P3H3: variants seen among roughly 807,000 people sequenced by gnomAD.
P3H3 encodes the protein prolyl 3-hydroxylase 3.
A neutral mutation model predicts 78.1 loss-of-function variants in P3H3; 64 were observed. The ratio of observed to expected loss-of-function variants is 0.82; its 90% confidence interval spans 0.67 to 1.01. The LOEUF (loss-of-function observed/expected upper bound fraction) is 1.01. P3H3 is among the 50% of genes least tolerant of loss of function. The pLI is 0.00. For synonymous variants in P3H3, 425 were observed against 416.7 expected (o/e 1.02, Z -0.24); for missense variants, 975 against 982.2 (o/e 0.99, Z 0.10).
Position 6,831,265 on chromosome 12 carries a change from C to G in P3H3, c.1035C>G (p.Phe345Leu), listed in dbSNP as rs1228489234. 1 of 1,613,774 alleles carries G rather than the reference C, an allele frequency of 6.2e-7. No homozygotes were observed. Among genetic ancestry groups the G allele is most frequent in the Non-Finnish European group, 8.5e-7 (1 of 1,179,848 alleles). The change falls in exon 5 of 15, where the codon TTC (phenylalanine) becomes TTG (leucine). Residue 345 changes from phenylalanine to leucine, a missense_variant. Coordinates refer to ENST00000290510, the MANE Select transcript of P3H3 (RefSeq NM_014262.5). The surrounding 1 kb of genome is among the most constrained non-coding windows in gnomAD (Gnocchi z 4.6). ...AIENVLSVLL[F>L]YPEDEAAKRA... ...AAAATGTCCTGAGTGTCCTGCTCTTCTACCCGGAGGATGAGGCTGCCAAGA... is the reference window on the plus strand; with the variant it reads ...AAAATGTCCTGAGTGTCCTGCTCTTGTACCCGGAGGATGAGGCTGCCAAGA...
At chr12:6,835,604 ATAAT>A (rs566922041) in intron 9 of P3H3, among the ~76,000 whole-genome samples, 98 of 152,042 alleles carry the variant, frequency 6.4e-4, no homozygotes, top group Non-Finnish European at 9.6e-4. Context: ...ATTTTTTTAA[ATAAT>A]TAATTAATTA....
rs1050118130 is a variant in P3H3 at position 6,834,022 on chromosome 12, G to A, written c.1431G>A (p.Glu477=). 1 of 1,613,746 alleles carries A rather than the reference G, an allele frequency of 6.2e-7. No homozygotes were observed. The highest frequency in any genetic ancestry group is 1.3e-5 in the African/African-American group (1 of 75,040). The part of the protein sequence containing the change: ...AVLDGLLTPA[E]CGVLLQLAKD... ...TGGATGGGCTGCTCACCCCAGCCGA[G>A]TGTGGGGTGCTGCTGCAGCTGGCTA... Residue 477 remains glutamate (E), a synonymous_variant, in exon 9 of 15, where the codon GAG becomes GAA. Transcript: ENST00000290510.
At chr12:6,833,274 G>A (rs1436930118) in intron 6 of P3H3, among the ~76,000 whole-genome samples, 1 of 152,154 alleles carries the variant, frequency 6.6e-6, no homozygotes, top group African/African-American at 2.4e-5. Flanking sequence ...TGTGTCTCAG[G>A]GCTCTCAATT....
Position 6,831,599 on chromosome 12 carries a change from A to G in P3H3, c.1123-226A>G, listed in dbSNP as rs1210722132. Among the ~76,000 whole-genome samples, 2 of 151,680 alleles carry G rather than the reference A, an allele frequency of 1.3e-5. No individual in the cohort carries two copies. The highest frequency in any genetic ancestry group is 4.8e-5 in the African/African-American group (2 of 41,310). ...CACTCCTGCCTGCCACCAGCCCCCA[A>G]ACTCATGCATACACACACCCACACA... is the stretch of plus-strand genomic sequence containing the variant. On this transcript the variant is annotated intron_variant, in intron 5 of 14. Coordinates refer to ENST00000290510, the MANE Select transcript of P3H3 (RefSeq NM_014262.5). The surrounding 1 kb of genome is among the most constrained non-coding windows in gnomAD (Gnocchi z 4.6).
chr12:6,839,113 C>T lies in P3H3; in HGVS notation c.2019C>T (p.His673=), dbSNP rs782618896. The change falls in exon 14 of 15, where the codon CAC becomes CAT. Residue 673 remains histidine (H), a synonymous_variant. Coordinates refer to ENST00000290510, the MANE Select transcript of P3H3 (RefSeq NM_014262.5). The part of the protein sequence containing the change: ...RGRRCALALW[H]TWAPEHREQE... ...GGCGCTGTGCCCTGGCACTGTGGCA[C>T]ACGTGGGCACCTGAGCACAGGGAGC... The T allele has an allele frequency of 2.5e-6, 4 of 1,606,834 alleles. No individual in the cohort carries two copies. The highest frequency in any genetic ancestry group is 3.4e-6 in the Non-Finnish European group (4 of 1,178,036).
intron 2 of P3H3, 121 bp from the exon 3 acceptor site, chr12:6,830,232 C>A: frequency 1.9e-6 from 2 of 1,080,170 alleles, no homozygotes; most frequent in Non-Finnish European, 2.7e-6. Context: ...CCTTATTCTT[C>A]TCCACGGTGA....
chr12:6,837,229 A>G, intron 10 of P3H3, 143 bp downstream of exon 10: 2 of 996,784 alleles, frequency 2.0e-6, no homozygotes, highest in Non-Finnish European at 2.9e-6. Flanking sequence ...CGTGGAGAAA[A>G]GGGATGTTCT....
intron 2 of P3H3, 47 bp downstream of exon 2, chr12:6,830,058 G>T: frequency 6.2e-7 from 1 of 1,609,096 alleles, no homozygotes; most frequent in Non-Finnish European, 8.5e-7. Context: ...CCTTTTCCTG[G>T]CTGGATACAC....
chr12:6,829,668 T>A lies in P3H3; in HGVS notation c.499-191T>A. On this transcript the variant is annotated intron_variant, in intron 1 of 14. Transcript: ENST00000290510. This position sits in a 1 kb window ranked among gnomAD's most constrained non-coding sequence, Gnocchi z 5.1. ...CCCCTTTCCCTCGGTGCCAGCCTTC[T>A]GAGAGTCCCAACGTTCTGGCCTCTA... The A allele has an allele frequency of 1.6e-6, 1 of 624,302 alleles. No homozygotes were observed. Among genetic ancestry groups the A allele is most frequent in the Non-Finnish European group, 2.8e-6 (1 of 355,886 alleles). The allele number at this position is 624,302 out of a possible 1,614,324, so 38.7% of individuals were successfully genotyped here. A position where few individuals can be genotyped will look rare whatever the true frequency, so the allele number is the denominator to read the frequency against.
chr12:6,830,801 G>GA, intron 4 of P3H3, 31 bp downstream of exon 4: 1 of 1,613,488 alleles, frequency 6.2e-7, no homozygotes, highest in Non-Finnish European at 8.5e-7. Flanking sequence ...AACGGGGAGT[G>GA]AAGATTTGCC....
chr12:6,837,678 G>A (rs1943513362), intron 11 of P3H3, 54 bp from the exon 12 acceptor site: 1 of 1,583,552 alleles, frequency 6.3e-7, no homozygotes, highest in Non-Finnish European at 8.6e-7. Flanking sequence ...AGCCCACAGG[G>A]TGGCAGATGG....
At position 6,828,549 on chromosome 12, in the gene P3H3, C is replaced by G; in HGVS notation, c.109C>G (p.Pro37Ala). Residue 37 changes from proline (P) to alanine (A), a missense_variant, in exon 1 of 15, where the codon CCC (proline) becomes GCC (alanine). Physicochemically the swap from Pro to Ala is conservative, Grantham distance 27. Coordinates refer to ENST00000290510, the MANE Select transcript of P3H3 (RefSeq NM_014262.5). ...QLSPGAPPQA[P>A]DLLYADGLRA... ...GTCCCCGGGGGCGCCCCCGCAGGCC[C>G]CCGACTTGCTCTACGCTGACGGGCT... The G allele has an allele frequency of 7.9e-7, 1 of 1,273,736 alleles. No individual in the cohort carries two copies. The highest frequency in any genetic ancestry group is 9.9e-7 in the Non-Finnish European group (1 of 1,010,146). 78.9% of individuals were successfully genotyped at this position (1,273,736 alleles called of 1,614,324 possible).
chr12:6,833,383 C>T, intron 6 of P3H3: 1 of 587,604 alleles, frequency 1.7e-6, no homozygotes, highest in Admixed American at 2.9e-5. Flanking sequence ...TAGCCCCTAG[C>T]AGATAGTAAG....
In P3H3 at chr12:6,837,737, C is replaced by T; in HGVS notation, c.1717C>T (p.Gln573Ter). The change falls in exon 12 of 15, where the codon CAA (glutamine) becomes TAA (stop). Residue 573 changes from glutamine to a stop codon, truncating the protein, a stop_gained. Coordinates refer to ENST00000290510, the MANE Select transcript of P3H3 (RefSeq NM_014262.5). LOFTEE classifies it high-confidence loss of function. ...CAGACCCCTTTGTGTCCTAGGAGAG[C>T]AAGAGCAGCGCATGGACCTGAGTCA... ...LVCRSAIEGE[Q>*]EQRMDLSHPV... 6.2e-7 allele frequency: 1 copy of T among 1,611,432 alleles called. No homozygotes were observed. The highest frequency in any genetic ancestry group is 1.1e-5 in the South Asian group (1 of 90,506).
At position 6,837,530 on chromosome 12, in the gene P3H3, G is replaced by A; in HGVS notation, c.1668G>A (p.Leu556=). 6.2e-7 allele frequency: 1 copy of A among 1,612,416 alleles called. No homozygotes were observed. Among genetic ancestry groups the A allele is most frequent in the East Asian group, 2.2e-5 (1 of 44,778 alleles). The change falls in exon 11 of 15, where the codon CTG becomes CTA. Residue 556 remains leucine, a synonymous_variant. Coordinates refer to ENST00000290510, the MANE Select transcript of P3H3 (RefSeq NM_014262.5). ...CCTACTTCTCCCCGGAACGGCCCCT[G>A]CATCTGTCCTTCACCCACCTGGTGT... The part of the protein sequence containing the change: ...TQAYFSPERP[L]HLSFTHLVCR...
Position 6,831,879 on chromosome 12 carries a change from G to C in P3H3, c.1177G>C (p.Ala393Pro). The C allele has an allele frequency of 6.2e-7, 1 of 1,608,270 alleles. No individual in the cohort carries two copies. Among genetic ancestry groups the C allele is most frequent in the South Asian group, 1.1e-5 (1 of 89,942 alleles). ...GGGGGAGAAGAGGCAGCTCTACTAT[G>C]CCATGGAGCACCTGGGGACCAGCTT... is the stretch of plus-strand genomic sequence containing the variant. The part of the protein sequence containing the change: ...SLGEKRQLYY[A>P]MEHLGTSFKD... The change falls in exon 6 of 15, where the codon GCC (alanine) becomes CCC (proline). Residue 393 changes from alanine (A) to proline (P), a missense_variant. Ala to Pro is a conservative substitution (Grantham distance 27). Coordinates refer to ENST00000290510, the MANE Select transcript of P3H3 (RefSeq NM_014262.5). This position sits in a 1 kb window ranked among gnomAD's most constrained non-coding sequence, Gnocchi z 4.6.
At chr12:6,830,303 GT>G (rs1227107032) in intron 2 of P3H3, 49 bp from the exon 3 acceptor site, 1 of 1,540,054 alleles carries the variant, frequency 6.5e-7, no homozygotes, top group African/African-American at 1.4e-5. Flanking sequence ...CTACCTCCCA[GT>G]TTGGCAACCC....
intron 3 of P3H3, 33 bp downstream of exon 3, chr12:6,830,587 T>C: frequency 6.3e-7 from 1 of 1,585,516 alleles, no homozygotes. Flanking sequence ...GGTGGGTCGG[T>C]GCCCAGGGAG....
In P3H3 at chr12:6,839,414, G is replaced by C. The variant is rs782809897; in HGVS notation, c.2164G>C (p.Val722Leu). The change falls in exon 15 of 15, where the codon GTC (valine) becomes CTC (leucine). Residue 722 changes from valine (V) to leucine (L), a missense_variant. Coordinates refer to ENST00000290510, the MANE Select transcript of P3H3 (RefSeq NM_014262.5). ...GCCCCCTAGCCGCAGGCACCAGAGG[G>C]TCCAAGACAAGACTGGAAGGGCACC... ...PEPPSRRHQR[V>L]QDKTGRAPRV... 3 of 1,552,052 alleles carry C rather than the reference G, an allele frequency of 1.9e-6. No individual in the cohort carries two copies. The highest frequency in any genetic ancestry group is 4.9e-5 in the East Asian group (2 of 40,918).
Sources: gnomAD v4.1 joint callset for allele counts (sites outside exome capture counted in the v4.1 genomes callset) on GRCh38, gnomAD v4.1.1 for gene constraint, Gnocchi (gnomAD v3.1) non-coding constraint, MANE v1.5 for transcripts, NCBI Gene and HGNC (gene_info 2026-07-23, HGNC 2026-07-21) for gene names.